The following GRIK2 variants were observed in gnomAD, a reference collection of about 807,000 sequenced individuals.
GRIK2 encodes glutamate ionotropic receptor kainate type subunit 2.
A neutral mutation model predicts 100.3 loss-of-function variants in GRIK2; 32 were observed. The ratio of observed to expected loss-of-function variants is 0.32; its 90% CI spans 0.24 to 0.43. The LOEUF is 0.43. GRIK2 is among the 20% of genes least tolerant of loss of function. The pLI is 1.00. For missense variants in GRIK2, 843 were observed against 1,114.9 expected (o/e 0.76, Z 3.47); for synonymous variants, 417 against 389.4 (o/e 1.07, Z -0.83).
chr6:101,755,635 C>T (rs1196931299), intron 7 of GRIK2, among the ~76,000 whole-genome samples: 4 of 152,016 alleles, frequency 2.6e-5, no homozygotes, highest in Non-Finnish European at 4.4e-5. Flanking sequence ...TGCCTTAGCT[C>T]GTCAGATACA....
intron 14 of GRIK2, among the ~76,000 whole-genome samples, chr6:102,033,444 C>T (rs1472770351): frequency 6.6e-6 from 1 of 151,300 alleles, no homozygotes; most frequent in Non-Finnish European, 1.5e-5. Flanking sequence ...GGGGAGTCAT[C>T]ATGCTATTCG....
At chr6:101,778,026 T>A (rs560772805) in intron 7 of GRIK2, among the ~76,000 whole-genome samples, 2 of 152,300 alleles carry the variant, frequency 1.3e-5, no homozygotes, top group Admixed American at 1.3e-4. Context: ...TTAAATGAAC[T>A]TTATGGTTGA....
intron 15 of GRIK2, among the ~76,000 whole-genome samples, chr6:102,049,271 A>G (rs1771052317): frequency 1.3e-5 from 2 of 152,160 alleles, no homozygotes; most frequent in African/African-American, 4.8e-5. Context: ...AAAGGAGAGT[A>G]CATAGGGTCA....
intron 11 of GRIK2, among the ~76,000 whole-genome samples, chr6:101,865,715 C>T (rs933710494): frequency 3.3e-5 from 5 of 151,586 alleles, no homozygotes; most frequent in African/African-American, 1.2e-4. Context: ...GGTGAAAACC[C>T]GTCTCTACTA....
chr6:101,779,820 A>G (rs1209974801), intron 7 of GRIK2, among the ~76,000 whole-genome samples: 1 of 152,146 alleles, frequency 6.6e-6, no homozygotes, highest in African/African-American at 2.4e-5. Flanking sequence ...TAATGTATAT[A>G]ATCCATATGC....
At chr6:101,924,765 C>T (rs759008368) in intron 13 of GRIK2, 46 bp downstream of exon 13, 2 of 1,184,742 alleles carry the variant, frequency 1.7e-6, no homozygotes, top group East Asian at 2.3e-5. Context: ...ATGTCCCACT[C>T]TTTGCTGGGG....
chr6:101,513,057 G>A (rs894322332), intron 2 of GRIK2, among the ~76,000 whole-genome samples: 12 of 151,798 alleles, frequency 7.9e-5, no homozygotes, highest in African/African-American at 2.9e-4. Context: ...AGCCAAATAT[G>A]AGTGACCATG....
chr6:101,492,783 T>C (rs1582569061), intron 2 of GRIK2, among the ~76,000 whole-genome samples: 1 of 152,062 alleles, frequency 6.6e-6, no homozygotes, highest in Middle Eastern at 3.4e-3. Context: ...ATGTAATAAG[T>C]ATCACCAGAG....
At chr6:101,736,520 A>C (rs1031276833) in intron 7 of GRIK2, among the ~76,000 whole-genome samples, 1 of 152,166 alleles carries the variant, frequency 6.6e-6, no homozygotes, top group Non-Finnish European at 1.5e-5. Context: ...GGAAGCTGCC[A>C]AGGCTTGGGG....
At chr6:101,412,345 C>G (rs576961091) in intron 2 of GRIK2, among the ~76,000 whole-genome samples, 2 of 151,992 alleles carry the variant, frequency 1.3e-5, no homozygotes, top group South Asian at 4.2e-4. Context: ...TTGATTGCCT[C>G]CTCGGTGAAA....
At chr6:101,408,345 C>T (rs1216748003) in intron 2 of GRIK2, among the ~76,000 whole-genome samples, 7 of 151,050 alleles carry the variant, frequency 4.6e-5, no homozygotes, top group African/African-American at 1.7e-4. Flanking sequence ...AAATAGAAAA[C>T]ACACATACAC....
At chr6:101,945,980 T>C (rs1440358652) in intron 14 of GRIK2, among the ~76,000 whole-genome samples, 2 of 151,402 alleles carry the variant, frequency 1.3e-5, no homozygotes, top group Non-Finnish European at 2.9e-5. Context: ...AATATAAGAT[T>C]ATTAATCATA....
intron 2 of GRIK2, among the ~76,000 whole-genome samples, chr6:101,460,156 G>A (rs1193322013): frequency 1.3e-5 from 2 of 152,100 alleles, no homozygotes; most frequent in East Asian, 1.9e-4. Flanking sequence ...CCACGACAGT[G>A]TCAAAGCCAC....
intron 4 of GRIK2, among the ~76,000 whole-genome samples, chr6:101,640,281 A>G (rs1274976305): frequency 6.6e-6 from 1 of 152,178 alleles, no homozygotes; most frequent in African/African-American, 2.4e-5. Flanking sequence ...ATTTACCAAT[A>G]TCTCTGGTTA....
chr6:102,059,254 A>G (rs1248723651), intron 16 of GRIK2, among the ~76,000 whole-genome samples: 5 of 151,354 alleles, frequency 3.3e-5, no homozygotes, highest in Non-Finnish European at 7.4e-5. Context: ...TTTATAAAAA[A>G]TGGCTTTAAT....
chr6:101,630,174 A>T (rs1484465038), intron 4 of GRIK2, among the ~76,000 whole-genome samples: 1 of 152,148 alleles, frequency 6.6e-6, no homozygotes, highest in East Asian at 1.9e-4. Flanking sequence ...TGCAATGAAC[A>T]TATGCATGCA....
intron 7 of GRIK2, among the ~76,000 whole-genome samples, chr6:101,741,714 A>T (rs1353017635): frequency 6.6e-6 from 1 of 152,182 alleles, no homozygotes; most frequent in Non-Finnish European, 1.5e-5. Context: ...TGCTTTAATC[A>T]GATAAGGGAT....
At chr6:101,851,576 A>G (rs1784128671) in intron 10 of GRIK2, among the ~76,000 whole-genome samples, 1 of 152,020 alleles carries the variant, frequency 6.6e-6, no homozygotes, top group Non-Finnish European at 1.5e-5. Context: ...AATAGATGTT[A>G]TTTTTATAAA....
Position 101,910,841 on chromosome 6 carries a change from A to ACACACACACACG in GRIK2, c.1749-13749_1749-13748insGCACACACACAC, listed in dbSNP as rs1438773044. Among the ~76,000 whole-genome samples, 142 of 149,242 alleles carry ACACACACACACG rather than the reference A, an allele frequency of 9.5e-4. 2 individuals are homozygous for ACACACACACACG. Among genetic ancestry groups the ACACACACACACG allele is most frequent in the African/African-American group, 3.2e-3 (131 of 40,984 alleles). On this transcript the variant is annotated intron_variant, in intron 12 of 16. Coordinates refer to ENST00000369134, the MANE Select transcript of GRIK2 (RefSeq NM_021956.5). ...CAGTAAAATAATACCAACATACACC[A>ACACACACACACG]CACACACACACACACACACACACAT...
Sources: allele counts gnomAD v4.1 joint callset (sites outside exome capture counted in the v4.1 genomes callset), GRCh38; gene constraint gnomAD v4.1.1; transcripts MANE v1.5; gene names NCBI Gene and HGNC (gene_info 2026-07-23, HGNC 2026-07-21).